TSEN15: variants seen among roughly 807,000 people sequenced by gnomAD.
The protein encoded by TSEN15 is tRNA splicing endonuclease subunit 15.
TSEN15 carries 10 observed loss-of-function variants against 20.5 expected under a neutral mutation model. The observed-to-expected ratio is 0.49, with a 90% CI of 0.30 to 0.83. TSEN15 has a LOEUF of 0.83. Among genes scored for constraint, TSEN15 ranks in the 40% least tolerant of loss-of-function variants. TSEN15 has a pLI of 0.06. For missense variants in TSEN15, 180 were observed against 218.6 expected (o/e 0.82, Z 1.11); for synonymous variants, 72 against 80.1 (o/e 0.90, Z 0.54).
chr1:184,081,750 A>C (rs1651173073), intron 3 of TSEN15, among the ~76,000 whole-genome samples: 1 of 152,112 alleles, frequency 6.6e-6, no homozygotes, highest in Non-Finnish European at 1.5e-5. Flanking sequence ...CAAGAAGGAA[A>C]GGGCACTAAG....
At chr1:184,078,320 G>A (rs147046286), downstream of TSEN15, among the ~76,000 whole-genome samples, 868 of 152,186 alleles carry the variant, frequency 5.7e-3, 6 homozygotes, top group African/African-American at 0.02. Flanking sequence ...CTACATGTTC[G>A]TGTAAATGCA....
Position 184,057,801 on chromosome 1 carries a change from G to A in TSEN15, c.353+2938G>A, listed in dbSNP as rs192379022. On this transcript the variant is annotated intron_variant, in intron 3 of 4. Coordinates refer to ENST00000645668, the MANE Select transcript of TSEN15 (RefSeq NM_052965.4). ...GTCTATTCATATGCTTCTTTGAGAA[G>A]CTCCTTACTGTTTTCTCTGTGTTTG... Among the ~76,000 whole-genome samples the A allele has an allele frequency of 3.8e-4, 58 of 152,206 alleles. 1 individual carries two copies. Among genetic ancestry groups the A allele is most frequent in the Admixed American group, 2.9e-3 (45 of 15,294 alleles).
intron 3 of TSEN15, among the ~76,000 whole-genome samples, chr1:184,059,032 C>CT (rs34067689): frequency 0.13 from 16,918 of 129,534 alleles, 1,104 homozygotes; most frequent in Admixed American, 0.23. Context: ...TTAGAAAATA[C>CT]TTTTTTTTTT....
At chr1:184,090,568 A>T (rs4651166) in intron 3 of TSEN15, among the ~76,000 whole-genome samples, 10,107 of 152,228 alleles carry the variant, frequency 0.066, 571 homozygotes, top group African/African-American at 0.15. Context: ...CAGTCTAAAG[A>T]CCTAACTCTC....
chr1:184,059,762 G>GT (rs1333466468), intron 3 of TSEN15, among the ~76,000 whole-genome samples: 1 of 152,162 alleles, frequency 6.6e-6, no homozygotes, highest in Non-Finnish European at 1.5e-5. Flanking sequence ...GTAGAGACAG[G>GT]TTTTTGCCTT....
rs889731862 is a variant in TSEN15 at position 184,073,196 on chromosome 1, A to G, written c.*349A>G. On this transcript the variant is annotated 3_prime_UTR_variant, in exon 5 of 5. Transcript: ENST00000645668. ...TGTTTCTTGCTGCCACTGCCAGCTC[A>G]TTGTTGAGACTGCCATTTCTTTCTC... 1.4e-5 allele frequency: 3 copies of G among 211,998 alleles called. No individual in the cohort carries two copies. The highest frequency in any genetic ancestry group is 4.6e-5 in the African/African-American group (2 of 43,472). The allele number at this position is 211,998 out of a possible 1,614,324, so 13.1% of individuals were successfully genotyped here.
intron 1 of TSEN15, 65 bp downstream of exon 1, chr1:184,051,955 C>T: frequency 5.2e-6 from 7 of 1,353,132 alleles, no homozygotes; most frequent in Non-Finnish European, 6.7e-6. Flanking sequence ...CACTCCCAGG[C>T]AGCTCTCTTT....
intron 3 of TSEN15, among the ~76,000 whole-genome samples, chr1:184,056,883 T>C (rs1210064560): frequency 6.6e-6 from 1 of 152,160 alleles, no homozygotes; most frequent in East Asian, 1.9e-4. Context: ...AATCGCTTGC[T>C]TGGTAAGAAG....
chr1:184,071,686 A>G (rs537625000), intron 3 of TSEN15, among the ~76,000 whole-genome samples: 1 of 152,018 alleles, frequency 6.6e-6, no homozygotes, highest in Non-Finnish European at 1.5e-5. Context: ...TACCTATTTA[A>G]TAGAAAAGAA....
At chr1:184,087,567 C>T (rs1462517212) in intron 3 of TSEN15, among the ~76,000 whole-genome samples, 1 of 152,144 alleles carries the variant, frequency 6.6e-6, no homozygotes, top group African/African-American at 2.4e-5. Flanking sequence ...ATGTGTAGAA[C>T]GTGGAGGGTT....
chr1:184,070,244 C>A lies in TSEN15; in HGVS notation c.354-1913C>A, dbSNP rs182693104. Among the ~76,000 whole-genome samples the A allele has an allele frequency of 1.4e-4, 22 of 152,040 alleles. No homozygotes were observed. In the Middle Eastern group the frequency reaches 0.01, roughly 71 times the overall value. On this transcript the variant is annotated intron_variant, in intron 3 of 4. Coordinates refer to ENST00000645668, the MANE Select transcript of TSEN15 (RefSeq NM_052965.4). ...AGTTTTCCTTAGTGAACACCACCCC[C>A]CAACACACACATACAAACACACCTT... is the stretch of plus-strand genomic sequence containing the variant.
chr1:184,056,226 G>A (rs1342600396), intron 3 of TSEN15, among the ~76,000 whole-genome samples: 1 of 152,128 alleles, frequency 6.6e-6, no homozygotes, highest in Admixed American at 6.5e-5. Flanking sequence ...ATCCTTTGGA[G>A]CTGTATTGTC....
rs913357670 is a variant in TSEN15 at position 184,073,706 on chromosome 1, T to A, written c.*859T>A. On this transcript the variant is annotated 3_prime_UTR_variant, in exon 5 of 5. Transcript: ENST00000645668. ...CCCAAATTATAAACCACTTTAAAGT[T>A]TGGGGTAAAGATTGGCAAACTTTTT... The A allele has an allele frequency of 2.0e-5, 3 of 152,536 alleles. No individual in the cohort carries two copies. The highest frequency in any genetic ancestry group is 7.2e-5 in the African/African-American group (3 of 41,428). 9.4% of individuals were successfully genotyped at this position (152,536 alleles called of 1,614,324 possible).
intron 3 of TSEN15, among the ~76,000 whole-genome samples, chr1:184,061,522 A>G (rs1650453853): frequency 6.6e-6 from 1 of 152,124 alleles, no homozygotes; most frequent in African/African-American, 2.4e-5. Context: ...GTTGTTTGTA[A>G]AACTGAACCA....
At chr1:184,054,915 A>G in intron 3 of TSEN15, 52 bp downstream of exon 3, 1 of 1,565,228 alleles carries the variant, frequency 6.4e-7, no homozygotes, top group Non-Finnish European at 8.7e-7. Flanking sequence ...GCAGTAGGAA[A>G]CATTAAACAT....
chr1:184,054,580 T>C, intron 2 of TSEN15, 145 bp downstream of exon 2: 1 of 1,163,790 alleles, frequency 8.6e-7, no homozygotes, highest in Non-Finnish European at 1.2e-6. Flanking sequence ...ACATTGGGAA[T>C]TACTGAGTAA....
At chr1:184,089,150 A>G (rs1429913281) in intron 3 of TSEN15, among the ~76,000 whole-genome samples, 3 of 152,234 alleles carry the variant, frequency 2.0e-5, no homozygotes, top group African/African-American at 7.2e-5. Context: ...CAAAATATCA[A>G]TTTTATTTAA....
chr1:184,065,604 C>G lies in TSEN15; in HGVS notation c.354-6553C>G, dbSNP rs543592313. ...TTGCCTTTTCCAGAATGGCATATAG[C>G]TGGAATTATACAGTATGTAGCCTTT... On this transcript the variant is annotated intron_variant, in intron 3 of 4. Coordinates refer to ENST00000645668, the MANE Select transcript of TSEN15 (RefSeq NM_052965.4). 1.3e-3 allele frequency among the ~76,000 whole-genome samples: 198 copies of G among 152,290 alleles called. 1 individual carries two copies. The highest frequency in any genetic ancestry group is 4.6e-3 in the African/African-American group (190 of 41,558).
In TSEN15 at chr1:184,072,168, T is replaced by A. The variant is rs372868359; in HGVS notation, c.365T>A (p.Ile122Asn). Residue 122 changes from isoleucine to asparagine, a missense_variant, in exon 4 of 5, where the codon ATC becomes AAC. By Grantham distance (149) the Ile-to-Asn change is moderately radical. Coordinates refer to ENST00000645668, the MANE Select transcript of TSEN15 (RefSeq NM_052965.4). ...ASLSHNRIRE[I>N]LKASRKLQGD... ...GACTTTATTTTCAGGATAAGGGAGATCTTGAAGGCATCTCGAAAGTTGCAA... is the reference window on the plus strand; with the variant it reads ...GACTTTATTTTCAGGATAAGGGAGAACTTGAAGGCATCTCGAAAGTTGCAA... 23 of 1,613,412 alleles carry A rather than the reference T, an allele frequency of 1.4e-5. 1 individual carries two copies. The highest frequency in any genetic ancestry group is 6.7e-5 in the East Asian group (3 of 44,850).
Sources: allele counts gnomAD v4.1 joint callset (sites outside exome capture counted in the v4.1 genomes callset), GRCh38; gene constraint gnomAD v4.1.1; transcripts MANE v1.5; gene names NCBI Gene and HGNC (gene_info 2026-07-23, HGNC 2026-07-21).